The following RNF182 variants were observed in gnomAD, a reference collection of about 807,000 sequenced individuals.
The protein encoded by RNF182 is ring finger protein 182.
Under a neutral mutation model 14.4 loss-of-function variants are expected in RNF182, and 15 were observed. That is an observed-to-expected ratio of 1.04 (90% CI 0.70 to 1.60). The LOEUF (loss-of-function observed/expected upper bound fraction) is 1.60, where lower values mean the gene tolerates loss of function less well. RNF182 is among the 40% of genes most tolerant of loss of function. The pLI is 0.00. For synonymous variants in RNF182, 128 were observed against 122.9 expected (o/e 1.04, Z -0.27); for missense variants, 268 against 294.8 (o/e 0.91, Z 0.67).
intron 1 of RNF182, among the ~76,000 whole-genome samples, chr6:13,957,159 C>G (rs1412325992): frequency 6.6e-6 from 1 of 152,200 alleles, no homozygotes; most frequent in Non-Finnish European, 1.5e-5. Context: ...ATAAAACTAT[C>G]TTTCCTAGCA....
At chr6:13,954,549 T>G (rs1451901320) in intron 1 of RNF182, among the ~76,000 whole-genome samples, 1 of 152,190 alleles carries the variant, frequency 6.6e-6, no homozygotes, top group Admixed American at 6.5e-5. Context: ...TTTTTAAATT[T>G]AAATTTAAAT....
intron 1 of RNF182, among the ~76,000 whole-genome samples, chr6:13,950,746 C>G (rs1233584884): frequency 6.6e-6 from 1 of 151,740 alleles, no homozygotes; most frequent in African/African-American, 2.4e-5. Context: ...ATCTGCCTGC[C>G]TTGGCTTCCC....
intron 1 of RNF182, among the ~76,000 whole-genome samples, chr6:13,928,329 G>A (rs1440541306): frequency 6.6e-6 from 1 of 152,150 alleles, no homozygotes; most frequent in Non-Finnish European, 1.5e-5. Context: ...TTTATCAAAT[G>A]CTTCCTTCTA....
At chr6:13,934,296 A>C (rs9475806) in intron 1 of RNF182, among the ~76,000 whole-genome samples, 7 of 151,912 alleles carry the variant, frequency 4.6e-5, no homozygotes, top group African/African-American at 1.7e-4. Flanking sequence ...TCCTGTTGTT[A>C]TGATGACTAT....
chr6:13,976,198 G>T (rs181600438), intron 2 of RNF182, among the ~76,000 whole-genome samples: 2 of 152,236 alleles, frequency 1.3e-5, no homozygotes, highest in Admixed American at 6.5e-5. Flanking sequence ...TCTCTTTCTT[G>T]GGACTTAGAC....
At position 13,977,454 on chromosome 6, in the gene RNF182, C is replaced by T. The variant is rs745994765; in HGVS notation, c.335C>T (p.Pro112Leu). The T allele has an allele frequency of 5.6e-6, 9 of 1,614,170 alleles. No individual in the cohort carries two copies. Among genetic ancestry groups the T allele is most frequent in the Non-Finnish European group, 7.6e-6 (9 of 1,180,024 alleles). ...AACCCTACTGAGCTGCTGCTCACCC[C>T]CAAGAGGCTGGCCTCTCTGGTCAGT... ...PENPTELLLT[P>L]KRLASLVSPS... Residue 112 changes from proline to leucine, a missense_variant, in exon 3 of 3, where the codon CCC becomes CTC. Physicochemically the swap from Pro to Leu is moderately conservative, Grantham distance 98 (BLOSUM62 -3). Coordinates refer to ENST00000488300, the MANE Select transcript of RNF182 (RefSeq NM_152737.4).
intron 1 of RNF182, among the ~76,000 whole-genome samples, chr6:13,931,889 G>A (rs1326376396): frequency 6.6e-6 from 1 of 152,234 alleles, no homozygotes; most frequent in South Asian, 2.1e-4. Flanking sequence ...AGGCCATGAG[G>A]GTGGAGCCCT....
intron 1 of RNF182, among the ~76,000 whole-genome samples, chr6:13,966,417 T>A (rs562931997): frequency 6.6e-6 from 1 of 152,162 alleles, no homozygotes; most frequent in African/African-American, 2.4e-5. Flanking sequence ...AATTCACAAA[T>A]TTTTAGAATT....
chr6:13,937,178 G>A (rs1759133085), intron 1 of RNF182, among the ~76,000 whole-genome samples: 1 of 152,134 alleles, frequency 6.6e-6, no homozygotes, highest in Non-Finnish European at 1.5e-5. Context: ...GTTATTGAAG[G>A]TTAACATACA....
intron 2 of RNF182, among the ~76,000 whole-genome samples, chr6:13,975,515 A>G (rs1229572168): frequency 6.6e-6 from 1 of 152,238 alleles, no homozygotes; most frequent in East Asian, 1.9e-4. Flanking sequence ...GAGATTCTAT[A>G]GATTGACTTC....
chr6:13,938,045 G>C (rs1437539223), intron 1 of RNF182, among the ~76,000 whole-genome samples: 1 of 114,476 alleles, frequency 8.7e-6, no homozygotes, highest in East Asian at 2.6e-4. Context: ...AGTTTCTGTC[G>C]TCGCCCAGGC....
intron 1 of RNF182, among the ~76,000 whole-genome samples, chr6:13,929,708 T>A (rs534021352): frequency 3.9e-5 from 6 of 152,346 alleles, no homozygotes; most frequent in Non-Finnish European, 8.8e-5. Flanking sequence ...GATCACTTTC[T>A]GTTACGTTAA....
chr6:13,937,381 G>T (rs181625289), intron 1 of RNF182, among the ~76,000 whole-genome samples: 62 of 152,220 alleles, frequency 4.1e-4, no homozygotes, highest in African/African-American at 1.3e-3. Flanking sequence ...GATTAGTTTT[G>T]CCCAGTTTAG....
rs190165283 is a variant in RNF182, at chr6:13,960,325, A to G, written c.-366-13885A>G. ...AGTGATAATATATCAAAAGAGGGCT[A>G]CATCATGAGTCCATCAAGAATTAAA... On this transcript the variant is annotated intron_variant, in intron 1 of 2. Transcript: ENST00000488300. 4.6e-5 allele frequency among the ~76,000 whole-genome samples: 7 copies of G among 152,286 alleles called. No homozygotes were observed. The East Asian group carries it at 1.4e-3, about 29-fold the overall frequency.
chr6:13,951,279 C>T (rs280166), intron 1 of RNF182, among the ~76,000 whole-genome samples: 84,943 of 152,028 alleles, frequency 0.56, 27,864 homozygotes, highest in Non-Finnish European at 0.74. Context: ...GGAACAGGGT[C>T]AGGAAAGCAT....
chr6:13,925,970 T>C (rs961635830), intron 1 of RNF182, among the ~76,000 whole-genome samples: 1 of 150,802 alleles, frequency 6.6e-6, no homozygotes, highest in African/African-American at 2.4e-5. Flanking sequence ...TGTGAAGACT[T>C]TTTTTTTTGG....
At chr6:13,925,160 T>G (rs2113567570) in intron 1 of RNF182, 137 bp downstream of exon 1, 1 of 116,404 alleles carries the variant, frequency 8.6e-6, no homozygotes, top group South Asian at 2.7e-4. Flanking sequence ...GCGGCAAACT[T>G]CGGGCCGAGC....
chr6:13,971,629 G>A (rs1023565109), intron 1 of RNF182, among the ~76,000 whole-genome samples: 1 of 152,174 alleles, frequency 6.6e-6, no homozygotes, highest in Non-Finnish European at 1.5e-5. Flanking sequence ...GAACTTCCTA[G>A]AGTCTTGGAG....
In RNF182 at chr6:13,946,795, A is replaced by G. The variant is rs549567430; in HGVS notation, c.-367+21772A>G. ...AGAGGGATAGAAATTTATCTTCTGT[A>G]GCTTCTTCAGGCTGAACAGGGGCAA... On this transcript the variant is annotated intron_variant, in intron 1 of 2. Coordinates refer to ENST00000488300, the MANE Select transcript of RNF182 (RefSeq NM_152737.4). Among the ~76,000 whole-genome samples the G allele has an allele frequency of 1.6e-4, 24 of 152,274 alleles. No individual in the cohort carries two copies. In the South Asian group the frequency reaches 4.8e-3, roughly 30 times the overall value.
Sources: gnomAD v4.1 joint callset for allele counts (sites outside exome capture counted in the v4.1 genomes callset) on GRCh38, gnomAD v4.1.1 for gene constraint, MANE v1.5 for transcripts, NCBI Gene and HGNC (gene_info 2026-07-23, HGNC 2026-07-21) for gene names.